Variants in FHIT observed in about 807,000 individuals in gnomAD.
FHIT encodes the protein bis(5'-adenosyl)-triphosphatase.
In FHIT, 19 loss-of-function variants were observed where a neutral mutation model predicts 17.9. The observed-to-expected ratio is 1.06, with a 90% CI of 0.74 to 1.56. FHIT has a LOEUF of 1.56. Among genes scored for constraint, FHIT ranks in the 40% most tolerant of loss-of-function variants. The pLI, the probability that FHIT is intolerant of heterozygous loss-of-function variation, is 0.00. For synonymous variants in FHIT, 81 were observed against 69.7 expected, an observed-to-expected ratio of 1.16 and a Z score of -0.81; for missense variants, 248 against 189.2, an observed-to-expected ratio of 1.31 and a Z score of -1.82.
At position 60,024,635 on chromosome 3, in the gene FHIT, G is replaced by A. The variant is rs967435282; in HGVS notation, c.104-10483C>T. ...GAAATCTAGAGGGTGAGCAGACAAA[G>A]GCAACTGACATAGTAACTACTGTGA... On this transcript the variant is annotated intron_variant, in intron 5 of 9. Transcript: ENST00000492590. Among the ~76,000 whole-genome samples, 4 of 152,132 alleles carry A rather than the reference G, an allele frequency of 2.6e-5. No homozygotes were observed. The East Asian group carries it at 7.7e-4, about 29-fold the overall frequency.
At position 60,959,923 on chromosome 3, in the gene FHIT, G is replaced by A. The variant is rs559596330; in HGVS notation, c.-111+82124C>T. 5.3e-5 allele frequency among the ~76,000 whole-genome samples: 8 copies of A among 150,150 alleles called. No homozygotes were observed. In the East Asian group the frequency reaches 7.8e-4, roughly 15 times the overall value. The stretch of plus-strand genomic sequence containing the variant: ...CCAACCCTTTCAACAGTGAACATGC[G>A]TTGCTTTTGCAATTACAACAACAAC... On this transcript the variant is annotated intron_variant, in intron 3 of 9. Transcript: ENST00000492590.
chr3:59,986,936 G>C (rs1293332089), intron 7 of FHIT, among the ~76,000 whole-genome samples: 1 of 114,854 alleles, frequency 8.7e-6, no homozygotes, highest in Non-Finnish European at 1.7e-5. Context: ...GTATGTATAG[G>C]ATTTATATAC....
chr3:61,014,807 A>AAAATATAT lies in FHIT; in HGVS notation c.-111+27239_-111+27240insATATATTT, dbSNP rs1553798839. 1.5e-3 allele frequency among the ~76,000 whole-genome samples: 73 copies of AAAATATAT among 49,072 alleles called. 4 individuals are homozygous for AAAATATAT. The highest frequency in any genetic ancestry group is 3.9e-3 in the African/African-American group (72 of 18,510). 32.2% of individuals were successfully genotyped at this position (49,072 alleles called of 152,430 possible). ...AAAAAAAAAAAAAAAAAAAAAAAAAAATATATATATATATATATGTATACA... is the reference window on the plus strand; with the variant it reads ...AAAAAAAAAAAAAAAAAAAAAAAAAAAAATATATATATATATATATATATATGTATACA... On this transcript the variant is annotated intron_variant, in intron 3 of 9. Transcript: ENST00000492590.
chr3:60,319,522 A>G (rs1338367116), intron 5 of FHIT, among the ~76,000 whole-genome samples: 1 of 152,152 alleles, frequency 6.6e-6, no homozygotes, highest in Non-Finnish European at 1.5e-5. Flanking sequence ...TGCCAGTAAA[A>G]GGGCAGAGAC....
chr3:60,418,390 A>G lies in FHIT; in HGVS notation c.103+118470T>C, dbSNP rs1362867935. 2.8e-4 allele frequency among the ~76,000 whole-genome samples: 13 copies of G among 46,484 alleles called. 1 individual carries two copies. Among genetic ancestry groups the G allele is most frequent in the East Asian group, 1.3e-3 (1 of 772 alleles). The allele number at this position is 46,484 out of a possible 152,430, so 30.5% of individuals were successfully genotyped here. On this transcript the variant is annotated intron_variant, in intron 5 of 9. Transcript: ENST00000492590. The stretch of plus-strand genomic sequence containing the variant: ...TCTGAATGTGTGTATATATATATAT[A>G]TATATATATATATATATATATATAT...
intron 5 of FHIT, among the ~76,000 whole-genome samples, chr3:60,497,188 C>G (rs1158551553): frequency 2.6e-5 from 4 of 151,920 alleles, no homozygotes; most frequent in Non-Finnish European, 4.4e-5. Flanking sequence ...ACAGGACAGC[C>G]CCCACAAGAA....
intron 5 of FHIT, among the ~76,000 whole-genome samples, chr3:60,191,097 A>G (rs376890806): frequency 2.2e-4 from 33 of 152,256 alleles, no homozygotes; most frequent in East Asian, 9.7e-4. Flanking sequence ...AGTATCCCAC[A>G]ATTAAAAAAA....
intron 8 of FHIT, among the ~76,000 whole-genome samples, chr3:59,851,435 A>C (rs1436654520): frequency 1.3e-5 from 2 of 152,162 alleles, no homozygotes; most frequent in African/African-American, 4.8e-5. Context: ...ACCTATGTTT[A>C]TCTCAATTTA....
intron 5 of FHIT, among the ~76,000 whole-genome samples, chr3:60,428,118 A>C (rs1031127413): frequency 1.3e-5 from 2 of 152,168 alleles, no homozygotes; most frequent in Non-Finnish European, 2.9e-5. Context: ...GGTCTTCCAA[A>C]GTTAATGAAA....
At chr3:60,419,428 G>T (rs242171) in intron 5 of FHIT, among the ~76,000 whole-genome samples, 36,377 of 152,074 alleles carry the variant, frequency 0.24, 4,686 homozygotes, top group East Asian at 0.48. Flanking sequence ...CACTTTCTGT[G>T]TCTCTCTGCT....
At chr3:61,006,043 A>C (rs1559903667) in intron 3 of FHIT, among the ~76,000 whole-genome samples, 1 of 151,990 alleles carries the variant, frequency 6.6e-6, no homozygotes. Context: ...AGGGAGCAGG[A>C]AGAGCAGTTA....
intron 7 of FHIT, among the ~76,000 whole-genome samples, chr3:59,987,916 A>G (rs557861536): frequency 6.6e-6 from 1 of 152,220 alleles, no homozygotes; most frequent in African/African-American, 2.4e-5. Flanking sequence ...TTTTAGTAAC[A>G]TAGCTTGAAA....
At chr3:60,535,631 T>A (rs2107596939) in intron 5 of FHIT, among the ~76,000 whole-genome samples, 1 of 152,098 alleles carries the variant, frequency 6.6e-6, no homozygotes, top group East Asian at 1.9e-4. Flanking sequence ...TCTAATATTA[T>A]TTAGACTCAT....
chr3:60,065,743 C>G (rs1462770244), intron 5 of FHIT, among the ~76,000 whole-genome samples: 3 of 152,160 alleles, frequency 2.0e-5, no homozygotes, highest in Non-Finnish European at 2.9e-5. Flanking sequence ...TTGCTCATTC[C>G]TAACACCTTT....
rs141718131 is a variant in FHIT at position 60,323,637 on chromosome 3, T to A, written c.103+213223A>T. On this transcript the variant is annotated intron_variant, in intron 5 of 9. Coordinates refer to ENST00000492590, the MANE Select transcript of FHIT (RefSeq NM_002012.4). Reference sequence around the variant, plus strand: ...ATCTTCATGATTTTGCTCACATCCCTGTGCCTCCTGTACTATCATTCCGGT... The same window carrying A: ...ATCTTCATGATTTTGCTCACATCCCAGTGCCTCCTGTACTATCATTCCGGT... Among the ~76,000 whole-genome samples the A allele has an allele frequency of 2.3e-3, 354 of 152,230 alleles. 3 individuals carry two copies. The highest frequency in any genetic ancestry group is 8.1e-3 in the African/African-American group (338 of 41,542).
At chr3:60,101,352 C>A (rs1239361101) in intron 5 of FHIT, among the ~76,000 whole-genome samples, 1 of 152,230 alleles carries the variant, frequency 6.6e-6, no homozygotes, top group African/African-American at 2.4e-5. Flanking sequence ...TCACTGGCTT[C>A]CTCTCACACC....
intron 4 of FHIT, among the ~76,000 whole-genome samples, chr3:60,683,906 A>G (rs1388684542): frequency 1.3e-5 from 2 of 152,094 alleles, no homozygotes; most frequent in Non-Finnish European, 2.9e-5. Flanking sequence ...AGGGGTGTCT[A>G]TATTTTTTTC....
intron 5 of FHIT, among the ~76,000 whole-genome samples, chr3:60,208,657 G>T (rs1316844616): frequency 6.6e-6 from 1 of 152,024 alleles, no homozygotes. Flanking sequence ...CAAAGCATTG[G>T]TTATTATTTT....
At chr3:59,876,401 G>T (rs1054027476) in intron 8 of FHIT, among the ~76,000 whole-genome samples, 2 of 151,966 alleles carry the variant, frequency 1.3e-5, no homozygotes, top group Admixed American at 1.3e-4. Flanking sequence ...TTATAGAGAA[G>T]TATTTGGCTT....
Sources: allele counts gnomAD v4.1 joint callset (sites outside exome capture counted in the v4.1 genomes callset), GRCh38; gene constraint gnomAD v4.1.1; transcripts MANE v1.5; gene names NCBI Gene and HGNC (gene_info 2026-07-23, HGNC 2026-07-21).